TTC39B: variants seen among roughly 807,000 people sequenced by gnomAD.
The protein encoded by TTC39B is tetratricopeptide repeat domain 39B, also known as tetratricopeptide repeat protein 39B.
A neutral mutation model predicts 96.6 loss-of-function variants in TTC39B; 92 were observed. The observed-to-expected ratio is 0.95, with a 90% CI of 0.80 to 1.13. TTC39B has a LOEUF of 1.13. TTC39B is among the 50% of genes most tolerant of loss of function. The pLI is 0.00. For missense variants in TTC39B, 955 were observed against 809.3 expected (o/e 1.18, Z -2.18); for synonymous variants, 367 against 299.4 (o/e 1.23, Z -2.33).
chr9:15,179,452 T>C (rs1416531964), intron 17 of TTC39B, among the ~76,000 whole-genome samples: 1 of 152,214 alleles, frequency 6.6e-6, no homozygotes, highest in Admixed American at 6.5e-5. Flanking sequence ...TCTTAGGTGC[T>C]GAAAACTGAA....
At chr9:15,281,829 A>G (rs897450081) in intron 1 of TTC39B, among the ~76,000 whole-genome samples, 6 of 151,996 alleles carry the variant, frequency 3.9e-5, no homozygotes, top group Non-Finnish European at 8.8e-5. Context: ...GGCACATGCC[A>G]TGTAGTCCGG....
chr9:15,265,539 G>T (rs1378835790), intron 2 of TTC39B, among the ~76,000 whole-genome samples: 3 of 152,202 alleles, frequency 2.0e-5, no homozygotes, highest in African/African-American at 7.2e-5. Context: ...GAGGAGCAGG[G>T]TTGAATAATT....
intron 2 of TTC39B, among the ~76,000 whole-genome samples, chr9:15,233,362 G>A (rs374556558): frequency 1.3e-5 from 2 of 151,748 alleles, no homozygotes; most frequent in African/African-American, 2.4e-5. Flanking sequence ...CTCTCCCCAC[G>A]GTCTCCCTCT....
Position 15,191,260 on chromosome 9 carries a change from A to G in TTC39B, c.931-5T>C. On this transcript the variant is annotated splice_polypyrimidine_tract_variant and splice_region_variant and intron_variant, in intron 9 of 19. Transcript: ENST00000512701. Reference sequence around the variant, plus strand: ...TGCTGGTAAAAGGGACAGCATCTGTAAGAAAAAAATATACAGTGTACTTAT... The same window carrying G: ...TGCTGGTAAAAGGGACAGCATCTGTGAGAAAAAAATATACAGTGTACTTAT... The G allele has an allele frequency of 2.5e-6, 4 of 1,602,896 alleles. No individual in the cohort carries two copies. The highest frequency in any genetic ancestry group is 3.4e-6 in the Non-Finnish European group (4 of 1,172,902).
intron 2 of TTC39B, among the ~76,000 whole-genome samples, chr9:15,258,614 T>C (rs1822838453): frequency 6.6e-6 from 1 of 152,174 alleles, no homozygotes; most frequent in African/African-American, 2.4e-5. Context: ...AAGAGCAAAG[T>C]CCTGGCTTTC....
intron 2 of TTC39B, among the ~76,000 whole-genome samples, chr9:15,230,986 GA>G (rs36097997): frequency 0.5 from 70,434 of 141,368 alleles, 16,966 homozygotes; most frequent in East Asian, 0.74. Flanking sequence ...CTCCATCTCA[GA>G]AAAAAAAAAA....
chr9:15,174,913 T>C (rs1817846960), intron 19 of TTC39B, 106 bp downstream of exon 19: 1 of 747,204 alleles, frequency 1.3e-6, no homozygotes, highest in African/African-American at 1.7e-5. Context: ...TTATTACTAA[T>C]TTGACATTGT....
intron 16 of TTC39B, chr9:15,183,482 TCCCAGTACTAA>T: frequency 6.0e-6 from 2 of 331,290 alleles, no homozygotes; most frequent in Non-Finnish European, 1.1e-5. Context: ...AAAAAAAAAA[TCCCAGTACTAA>T]CATTTCAAGC....
chr9:15,202,621 A>C (rs1372007704), intron 7 of TTC39B, among the ~76,000 whole-genome samples: 2 of 151,960 alleles, frequency 1.3e-5, no homozygotes, highest in African/African-American at 4.8e-5. Flanking sequence ...CTGAGACAGA[A>C]GAACTGCTTG....
At chr9:15,243,916 T>TA (rs1822159363) in intron 2 of TTC39B, among the ~76,000 whole-genome samples, 1 of 151,928 alleles carries the variant, frequency 6.6e-6, no homozygotes, top group East Asian at 1.9e-4. Flanking sequence ...TCTTTTCATT[T>TA]AAAAAAAAAT....
chr9:15,306,622 G>T lies in TTC39B; in HGVS notation c.240+462C>A, dbSNP rs539203833. On this transcript the variant is annotated intron_variant, in intron 1 of 19. Coordinates refer to ENST00000512701, the Ensembl canonical transcript of TTC39B. This position sits in a 1 kb window ranked among gnomAD's most constrained non-coding sequence, Gnocchi z 5.1. ...TCTTTTCATCAATCGTAAGCCTTTC[G>T]GTTCTGCCACCAGGAAACTTCCATA... 6.6e-5 allele frequency among the ~76,000 whole-genome samples: 10 copies of T among 152,150 alleles called. No individual in the cohort carries two copies. The highest frequency in any genetic ancestry group is 1.5e-4 in the Non-Finnish European group (10 of 68,030).
chr9:15,191,304 G>T (rs1464662881), intron 9 of TTC39B, 49 bp from the exon 10 acceptor site: 1 of 1,318,210 alleles, frequency 7.6e-7, no homozygotes, highest in South Asian at 1.3e-5. Context: ...GTTTCTAACT[G>T]CAAACAAATC....
At chr9:15,300,548 T>A (rs1159972299) in intron 1 of TTC39B, among the ~76,000 whole-genome samples, 2 of 152,182 alleles carry the variant, frequency 1.3e-5, no homozygotes, top group East Asian at 3.9e-4. Flanking sequence ...TCACCAGATT[T>A]ATCTTCCTAA....
At position 15,192,577 on chromosome 9, in the gene TTC39B, G is replaced by C; in HGVS notation, c.930+13C>G. 6.2e-7 allele frequency: 1 copy of C among 1,603,268 alleles called. No individual in the cohort carries two copies. The highest frequency in any genetic ancestry group is 1.3e-5 in the African/African-American group (1 of 74,744). On this transcript the variant is annotated intron_variant, in intron 9 of 19. Coordinates refer to ENST00000512701, the Ensembl canonical transcript of TTC39B. ...CTACAAAAGTTCTGGTTTCTATACA[G>C]TGATTTCCTTACCAAATTAAAGGCC...
chr9:15,267,367 C>T (rs1239174689), intron 2 of TTC39B, among the ~76,000 whole-genome samples: 1 of 152,220 alleles, frequency 6.6e-6, no homozygotes, highest in African/African-American at 2.4e-5. Flanking sequence ...ATTCAGTAAT[C>T]CTACATTTGT....
chr9:15,279,703 A>T (rs577368383), intron 1 of TTC39B, among the ~76,000 whole-genome samples: 5 of 152,084 alleles, frequency 3.3e-5, no homozygotes, highest in Admixed American at 2.6e-4. Context: ...GCAGCCTGGG[A>T]AAGGTTAGGA....
chr9:15,178,999 G>A (rs772953493), intron 17 of TTC39B, among the ~76,000 whole-genome samples: 7 of 152,166 alleles, frequency 4.6e-5, no homozygotes, highest in Admixed American at 4.6e-4. Context: ...GTACATGAAA[G>A]GCACCTAAAA....
intron 1 of TTC39B, among the ~76,000 whole-genome samples, chr9:15,278,703 A>C (rs1823640841): frequency 6.6e-6 from 1 of 152,264 alleles, no homozygotes; most frequent in African/African-American, 2.4e-5. Flanking sequence ...ACAGAACTTT[A>C]CACAGTTTCT....
exon 3 of TTC39B, chr9:15,226,007 G>A (rs1467535766): frequency 5.0e-6 from 8 of 1,613,278 alleles, no homozygotes; most frequent in African/African-American, 2.7e-5. Flanking sequence ...ATCTGAGTGA[G>A]AAGATCTGTT....
Sources: allele counts gnomAD v4.1 joint callset (sites outside exome capture counted in the v4.1 genomes callset), GRCh38; gene constraint gnomAD v4.1.1; non-coding constraint Gnocchi (gnomAD v3.1); transcripts MANE v1.5; gene names NCBI Gene and HGNC (gene_info 2026-07-23, HGNC 2026-07-21).